LCORL: variants seen among roughly 807,000 people sequenced by gnomAD.
LCORL encodes the protein ligand dependent nuclear receptor corepressor like.
In LCORL, 41 loss-of-function variants were observed where a neutral mutation model predicts 141.8. The observed-to-expected ratio is 0.29, with a 90% confidence interval of 0.23 to 0.38. The LOEUF is 0.38. LCORL is among the 10% of genes least tolerant of loss of function. LCORL has a pLI of 1.00. For missense variants in LCORL, 1,759 were observed against 2,035.0 expected (o/e 0.86, Z 2.61); for synonymous variants, 618 against 694.1 (o/e 0.89, Z 1.72).
At chr4:17,866,383 T>C (rs188000218) in intron 7 of LCORL, among the ~76,000 whole-genome samples, 21 of 152,308 alleles carry the variant, frequency 1.4e-4, no homozygotes, top group Non-Finnish European at 2.5e-4. Flanking sequence ...CCTCTCCAAA[T>C]AAACTTGAAC....
At chr4:17,980,666 A>C (rs1333435976) in intron 1 of LCORL, among the ~76,000 whole-genome samples, 1 of 152,210 alleles carries the variant, frequency 6.6e-6, no homozygotes, top group African/African-American at 2.4e-5. Context: ...TGTTTTTAGA[A>C]GAAAGGTTGA....
chr4:17,874,791 A>G, exon 7 of LCORL: 4 of 1,233,832 alleles, frequency 3.2e-6, no homozygotes, highest in Non-Finnish European at 2.0e-6. Context: ...ATTATCTTCC[A>G]AACACTTTTT....
intron 7 of LCORL, among the ~76,000 whole-genome samples, chr4:17,846,169 G>C (rs1235642645): frequency 6.6e-6 from 1 of 152,064 alleles, no homozygotes; most frequent in East Asian, 1.9e-4. Context: ...GTATACATCA[G>C]AAATTATTTA....
chr4:17,842,411 C>CCTAT lies in LCORL; in HGVS notation c.*3473_*3476dup, dbSNP rs779242957. The CCTAT allele has an allele frequency of 2.6e-6, 4 of 1,538,852 alleles. No individual in the cohort carries two copies. In the South Asian group the frequency reaches 4.6e-5, roughly 18 times the overall value. Reference sequence around the variant, plus strand: ...CATGCATGTCTAGAATATATGGAGGCCTATCTTCACTTTTTATTTCTACAA... The same window carrying CCTAT: ...CATGCATGTCTAGAATATATGGAGGCCTATCTATCTTCACTTTTTATTTCTACAA... On this transcript the variant is annotated 3_prime_UTR_variant, in exon 8 of 8. Coordinates refer to ENST00000635767, the Ensembl canonical transcript of LCORL.
At chr4:17,999,039 AATAC>A (rs1721471663) in intron 1 of LCORL, among the ~76,000 whole-genome samples, 1 of 143,954 alleles carries the variant, frequency 6.9e-6, no homozygotes. Flanking sequence ...TAGTATAGTA[AATAC>A]ATAAACTAGT....
chr4:17,984,313 A>G lies in LCORL; in HGVS notation c.155-11428T>C, dbSNP rs566154170. Among the ~76,000 whole-genome samples the G allele has an allele frequency of 3.3e-5, 5 of 152,002 alleles. No individual in the cohort carries two copies. In the South Asian group the frequency reaches 8.3e-4, roughly 25 times the overall value. ...GAGTTGGGGAGGAGATCCTCTTCCT[A>G]TATTTTTTGGAAGAGTTTCAGTAGC... On this transcript the variant is annotated intron_variant, in intron 1 of 7. Transcript: ENST00000635767.
chr4:17,968,826 C>T lies in LCORL; in HGVS notation c.220+3994G>A, dbSNP rs142441175. Among the ~76,000 whole-genome samples, 13 of 152,204 alleles carry T rather than the reference C, an allele frequency of 8.5e-5. 1 individual carries two copies. The East Asian group carries it at 2.5e-3, about 29-fold the overall frequency. On this transcript the variant is annotated intron_variant, in intron 2 of 7. Transcript: ENST00000635767. The stretch of plus-strand genomic sequence containing the variant: ...TTTTAACCATTAAAAAATGTAAGAA[C>T]CATTTTTAGTTCATAAGCCATTCAA...
chr4:17,967,885 T>C (rs1421699425), intron 2 of LCORL, among the ~76,000 whole-genome samples: 1 of 151,300 alleles, frequency 6.6e-6, no homozygotes, highest in Non-Finnish European at 1.5e-5. Context: ...TGAGATGGAG[T>C]TCCACTCTGT....
At chr4:17,876,681 C>T (rs1295093275) in exon 7 of LCORL, 2 of 1,230,560 alleles carry the variant, frequency 1.6e-6, no homozygotes, top group Non-Finnish European at 2.0e-6. Flanking sequence ...TTTAGTTCTG[C>T]TCAAAAGTCC....
intron 7 of LCORL, among the ~76,000 whole-genome samples, chr4:17,850,631 G>C (rs1377619358): frequency 6.6e-6 from 1 of 151,682 alleles, no homozygotes; most frequent in Admixed American, 6.6e-5. Flanking sequence ...GGAAACAACA[G>C]GTGCTGGAGA....
chr4:17,901,020 C>G (rs76692373), intron 5 of LCORL, among the ~76,000 whole-genome samples: 2,882 of 152,120 alleles, frequency 0.019, 37 homozygotes, highest in Non-Finnish European at 0.028. Flanking sequence ...GTGACCCGTG[C>G]TGCCTTGTTG....
At chr4:17,948,589 C>T (rs1739247798) in intron 4 of LCORL, among the ~76,000 whole-genome samples, 1 of 151,950 alleles carries the variant, frequency 6.6e-6, no homozygotes, top group Non-Finnish European at 1.5e-5. Flanking sequence ...CTTGAAAAAT[C>T]AGGACTAGCA....
At chr4:17,939,793 C>T (rs762503916) in intron 4 of LCORL, among the ~76,000 whole-genome samples, 2 of 151,190 alleles carry the variant, frequency 1.3e-5, no homozygotes, top group Non-Finnish European at 2.9e-5. Context: ...GGCGGTGGTT[C>T]ATCTAAACAG....
chr4:17,843,349 C>A (rs75077775), exon 8 of LCORL: 2 of 1,611,840 alleles, frequency 1.2e-6, no homozygotes, highest in Non-Finnish European at 1.7e-6. Context: ...ATGAGACTAC[C>A]AAGACGAGCC....
intron 4 of LCORL, among the ~76,000 whole-genome samples, chr4:17,920,529 A>G (rs906974830): frequency 2.1e-4 from 32 of 152,286 alleles, no homozygotes; most frequent in African/African-American, 7.7e-4. Flanking sequence ...TCTTACATTA[A>G]GACAACAATG....
intron 4 of LCORL, among the ~76,000 whole-genome samples, chr4:17,917,850 C>CA (rs1368855751): frequency 1.3e-5 from 2 of 152,170 alleles, no homozygotes; most frequent in African/African-American, 4.8e-5. Flanking sequence ...AGCTGAATCT[C>CA]AAAATCAACT....
chr4:17,943,619 C>T lies in LCORL; in HGVS notation c.430+18284G>A, dbSNP rs907451993. Among the ~76,000 whole-genome samples, 12 of 152,210 alleles carry T rather than the reference C, an allele frequency of 7.9e-5. No homozygotes were observed. In the South Asian group the frequency reaches 8.3e-4, roughly 11 times the overall value. On this transcript the variant is annotated intron_variant, in intron 4 of 7. Transcript: ENST00000635767. ...GGCTTACTATTTCACCACTGATATG[C>T]GCTGCAAAGAATAAATACAAAATCA...
At chr4:17,906,608 C>T (rs1255643250) in intron 5 of LCORL, among the ~76,000 whole-genome samples, 1 of 151,590 alleles carries the variant, frequency 6.6e-6, no homozygotes, top group Non-Finnish European at 1.5e-5. Flanking sequence ...GACTTGTGTT[C>T]TACATATACA....
At chr4:17,849,342 A>G (rs1157218620) in intron 7 of LCORL, among the ~76,000 whole-genome samples, 1 of 152,140 alleles carries the variant, frequency 6.6e-6, no homozygotes, top group African/African-American at 2.4e-5. Flanking sequence ...CAGAGGAACA[A>G]TCAGACAGCA....
Sources: allele counts gnomAD v4.1 joint callset (sites outside exome capture counted in the v4.1 genomes callset), GRCh38; gene constraint gnomAD v4.1.1; transcripts MANE v1.5; gene names NCBI Gene and HGNC (gene_info 2026-07-23, HGNC 2026-07-21).